FHIT: variants seen among roughly 807,000 people sequenced by gnomAD.
FHIT encodes bis(5'-adenosyl)-triphosphatase.
Under a neutral mutation model 17.9 loss-of-function variants are expected in FHIT, and 19 were observed. The observed-to-expected ratio is 1.06, with a 90% CI of 0.74 to 1.56. The LOEUF is 1.56. FHIT is among the 40% of genes most tolerant of loss of function. The pLI, the probability that FHIT is intolerant of heterozygous loss-of-function variation, is 0.00. For synonymous variants in FHIT, 81 were observed against 69.7 expected (o/e 1.16, Z -0.81); for missense variants, 248 against 189.2 (o/e 1.31, Z -1.82).
At chr3:60,078,394 C>T (rs368944430) in intron 5 of FHIT, among the ~76,000 whole-genome samples, 84 of 152,204 alleles carry the variant, frequency 5.5e-4, no homozygotes, top group African/African-American at 1.9e-3. Context: ...TGATTCTAAC[C>T]ATGAAGAAAT....
intron 5 of FHIT, among the ~76,000 whole-genome samples, chr3:60,124,009 T>TATATATAGAGAG (rs1384962194): frequency 8.2e-5 from 1 of 12,158 alleles, no homozygotes; most frequent in African/African-American, 3.1e-4. Context: ...TATATATATA[T>TATATATAGAGAG]AGAGAGAGAG....
intron 5 of FHIT, among the ~76,000 whole-genome samples, chr3:60,392,701 A>G (rs9873339): frequency 0.041 from 6,310 of 152,250 alleles, 278 homozygotes; most frequent in African/African-American, 0.11. Flanking sequence ...CAGAAGAATT[A>G]TAACAGGAGA....
At chr3:61,220,145 G>A (rs548020470) in intron 1 of FHIT, among the ~76,000 whole-genome samples, 1 of 152,254 alleles carries the variant, frequency 6.6e-6, no homozygotes. Flanking sequence ...TTCAGCCCTC[G>A]TTTTCATTTT....
Position 60,984,768 on chromosome 3 carries a change from G to A in FHIT, c.-111+57279C>T, listed in dbSNP as rs114543609. 4.4e-3 allele frequency among the ~76,000 whole-genome samples: 640 copies of A among 144,586 alleles called. 2 individuals are homozygous for A. Among genetic ancestry groups the A allele is most frequent in the African/African-American group, 0.016 (598 of 38,328 alleles). The allele number at this position is 144,586 out of a possible 152,430, so 94.9% of individuals were successfully genotyped here. A position where few individuals can be genotyped will look rare whatever the true frequency, so the allele number is the denominator to read the frequency against. On this transcript the variant is annotated intron_variant, in intron 3 of 9. Transcript: ENST00000492590. Reference sequence around the variant, plus strand: ...AACATATCTCAAATAATAATAAAGGGTATAGTTTCATGAAGGGGTGTGTGT... The same window carrying A: ...AACATATCTCAAATAATAATAAAGGATATAGTTTCATGAAGGGGTGTGTGT...
chr3:60,394,082 G>T (rs1454460746), intron 5 of FHIT, among the ~76,000 whole-genome samples: 1 of 152,126 alleles, frequency 6.6e-6, no homozygotes, highest in African/African-American at 2.4e-5. Context: ...AAAGCCTCAG[G>T]GGTGAGGGTC....
chr3:60,050,188 T>C (rs1701814785), intron 5 of FHIT, among the ~76,000 whole-genome samples: 3 of 152,332 alleles, frequency 2.0e-5, no homozygotes, highest in Middle Eastern at 6.8e-3. Flanking sequence ...TGTCCACTGT[T>C]AGACGTAATT....
chr3:60,099,271 C>G (rs565500553), intron 5 of FHIT, among the ~76,000 whole-genome samples: 36 of 152,260 alleles, frequency 2.4e-4, no homozygotes, highest in African/African-American at 8.4e-4. Context: ...TTTTTAACAT[C>G]TGAAATGATT....
chr3:60,711,925 C>G (rs1553705234), intron 4 of FHIT, among the ~76,000 whole-genome samples: 1 of 152,032 alleles, frequency 6.6e-6, no homozygotes, highest in Non-Finnish European at 1.5e-5. Context: ...ACAGAGAACG[C>G]CACAAAGATA....
intron 5 of FHIT, among the ~76,000 whole-genome samples, chr3:60,203,046 G>C (rs555657721): frequency 4.6e-5 from 7 of 151,898 alleles, no homozygotes; most frequent in African/African-American, 1.7e-4. Flanking sequence ...ACACACACAC[G>C]TGTCTGTAAA....
At chr3:60,896,716 G>C (rs1335193444) in intron 3 of FHIT, among the ~76,000 whole-genome samples, 2 of 152,126 alleles carry the variant, frequency 1.3e-5, no homozygotes, top group Non-Finnish European at 2.9e-5. Flanking sequence ...ACTTGAATCA[G>C]TATTTTTTTC....
intron 2 of FHIT, among the ~76,000 whole-genome samples, chr3:61,103,140 GATGTTAGAGTGTCAATTTT>G (rs377283255): frequency 0.036 from 5,533 of 152,206 alleles, 138 homozygotes; most frequent in South Asian, 0.072. Flanking sequence ...TTTTAATTGT[GATGTTAGAGTGTCAATTTT>G]ATATCTTTCC....
chr3:60,181,327 G>A (rs932533478), intron 5 of FHIT, among the ~76,000 whole-genome samples: 1 of 151,824 alleles, frequency 6.6e-6, no homozygotes, highest in African/African-American at 2.4e-5. Flanking sequence ...TATGTTTTTA[G>A]TAGATACGGT....
chr3:59,920,121 T>C (rs1705331028), intron 8 of FHIT, among the ~76,000 whole-genome samples: 1 of 152,098 alleles, frequency 6.6e-6, no homozygotes, highest in Admixed American at 6.5e-5. Context: ...TAAAGAAAAA[T>C]AGTAATAATA....
At chr3:60,193,069 T>G (rs867297369) in intron 5 of FHIT, among the ~76,000 whole-genome samples, 8 of 152,166 alleles carry the variant, frequency 5.3e-5, no homozygotes, top group Admixed American at 6.5e-5. Flanking sequence ...CAGACTGCAC[T>G]CAGAAAAATG....
intron 5 of FHIT, among the ~76,000 whole-genome samples, chr3:60,021,714 G>A (rs997804098): frequency 3.3e-5 from 5 of 152,154 alleles, no homozygotes; most frequent in East Asian, 3.8e-4. Flanking sequence ...CCAAGGTCAC[G>A]TAGCTATTAA....
At chr3:60,421,354 A>T (rs1326828164) in intron 5 of FHIT, among the ~76,000 whole-genome samples, 1 of 152,058 alleles carries the variant, frequency 6.6e-6, no homozygotes, top group Non-Finnish European at 1.5e-5. Flanking sequence ...ACAGACTCGC[A>T]TGTTTATCGA....
chr3:60,647,891 G>C (rs1246605455), intron 4 of FHIT, among the ~76,000 whole-genome samples: 2 of 152,122 alleles, frequency 1.3e-5, no homozygotes, highest in Non-Finnish European at 2.9e-5. Flanking sequence ...TTATATACCT[G>C]GTGGCTTAAC....
At position 60,150,468 on chromosome 3, in the gene FHIT, G is replaced by C. The variant is rs142772724; in HGVS notation, c.104-136316C>G. ...ATGCTTCAGAATTCCATCTGGCTTTGGTTACTTTTTGATACTTATGATTAT... is the reference window on the plus strand; with the variant it reads ...ATGCTTCAGAATTCCATCTGGCTTTCGTTACTTTTTGATACTTATGATTAT... On this transcript the variant is annotated intron_variant, in intron 5 of 9. Coordinates refer to ENST00000492590, the MANE Select transcript of FHIT (RefSeq NM_002012.4). 5.5e-4 allele frequency among the ~76,000 whole-genome samples: 83 copies of C among 152,206 alleles called. 1 individual carries two copies. In the East Asian group the frequency reaches 0.015, roughly 27 times the overall value.
At chr3:61,019,385 T>G (rs867277927) in intron 3 of FHIT, among the ~76,000 whole-genome samples, 2 of 152,222 alleles carry the variant, frequency 1.3e-5, no homozygotes, top group Non-Finnish European at 2.9e-5. Context: ...GGTACTATTC[T>G]ATGGCTGGTA....
Sources: allele counts gnomAD v4.1 joint callset (sites outside exome capture counted in the v4.1 genomes callset), GRCh38; gene constraint gnomAD v4.1.1; transcripts MANE v1.5; gene names NCBI Gene and HGNC (gene_info 2026-07-23, HGNC 2026-07-21).